Variants in H2AC8 observed in about 807,000 individuals in gnomAD.
The protein encoded by H2AC8 is H2A clustered histone 8.
H2AC8 carries 9 observed loss-of-function variants against 6.3 expected under a neutral mutation model. The observed-to-expected ratio is 1.43, with a 90% CI of 0.86 to 2.49. The LOEUF (loss-of-function observed/expected upper bound fraction) is 2.49. H2AC8 is among the 30% of genes most tolerant of loss of function. The probability of loss-of-function intolerance (pLI) is 0.00; values close to 1 mark genes in which losing one functional copy is unlikely to be tolerated. For synonymous variants in H2AC8, 176 were observed against 79.6 expected (o/e 2.21, Z -6.45); for missense variants, 141 against 177.5 (o/e 0.79, Z 1.17).
exon 1 of H2AC8, chr6:26,217,137 G>A: frequency 6.2e-7 from 1 of 1,614,174 alleles, no homozygotes; most frequent in Non-Finnish European, 8.5e-7. Context: ...CCTGGCAGCG[G>A]TGCTGGAATA....
exon 1 of H2AC8, chr6:26,217,196 TAAG>T (rs780617468): frequency 1.9e-6 from 3 of 1,613,770 alleles, no homozygotes; most frequent in Non-Finnish European, 2.5e-6. Context: ...CTCGCGACAA[TAAG>T]AAGACCCGCA....
At position 26,217,331 on chromosome 6, in the gene H2AC8, G is replaced by A. The variant is rs1375538785; in HGVS notation, c.357G>A (p.Lys119=). The A allele has an allele frequency of 3.1e-6, 5 of 1,614,188 alleles. No homozygotes were observed. The South Asian group carries it at 3.3e-5, about 11-fold the overall frequency. The change falls in exon 1 of 1, where the codon AAG becomes AAA. Residue 119 remains lysine (K), a synonymous_variant. Coordinates refer to ENST00000303910, the Ensembl canonical transcript of H2AC8. ...ACATCCAGGCCGTATTGCTGCCTAAGAAGACGGAGAGCCACCATAAGGCCA... is the reference window on the plus strand; with the variant it reads ...ACATCCAGGCCGTATTGCTGCCTAAAAAGACGGAGAGCCACCATAAGGCCA...
At chr6:26,217,235 C>T (rs767705388) in exon 1 of H2AC8, 7 of 1,614,084 alleles carry the variant, frequency 4.3e-6, no homozygotes, top group South Asian at 3.3e-5. Flanking sequence ...TGCAGCTAGC[C>T]ATCCGCAACG....
exon 1 of H2AC8, chr6:26,217,026 C>T: frequency 6.2e-7 from 1 of 1,614,202 alleles, no homozygotes; most frequent in Non-Finnish European, 8.5e-7. Flanking sequence ...AGCTAAAACG[C>T]GTTCTTCCAG....
At chr6:26,217,232 A>G (rs1462202522) in exon 1 of H2AC8, 2 of 1,614,222 alleles carry the variant, frequency 1.2e-6, no homozygotes, top group Non-Finnish European at 1.7e-6. Flanking sequence ...ACCTGCAGCT[A>G]GCCATCCGCA....
exon 1 of H2AC8, chr6:26,217,369 A>G (rs1194305907): frequency 8.1e-6 from 13 of 1,611,424 alleles, no homozygotes; most frequent in East Asian, 4.5e-5. Flanking sequence ...GGCAAGTGAA[A>G]TGATTACTAG....
chr6:26,216,998 C>A (rs763745951), exon 1 of H2AC8: 2 of 1,614,160 alleles, frequency 1.2e-6, no homozygotes, highest in Non-Finnish European at 1.7e-6. Context: ...GAAAGCAAGG[C>A]GGCAAAGCTC....
At chr6:26,217,356 A>C in exon 1 of H2AC8, 1 of 1,613,398 alleles carries the variant, frequency 6.2e-7, no homozygotes, top group Non-Finnish European at 8.5e-7. Flanking sequence ...CCATAAGGCC[A>C]AGGGCAAGTG....
upstream of H2AC8, chr6:26,216,942 G>A (rs377218795): frequency 1.9e-6 from 3 of 1,611,616 alleles, no homozygotes; most frequent in East Asian, 2.2e-5. Flanking sequence ...TTATTCAGTG[G>A]ATTGTTAGTT....
At chr6:26,217,259 T>C (rs1217704548) in exon 1 of H2AC8, 12 of 1,614,184 alleles carry the variant, frequency 7.4e-6, no homozygotes, top group Middle Eastern at 1.7e-4. Context: ...AGGAGCTAAA[T>C]AAGCTTCTAG....
At chr6:26,217,387 C>G (rs776623972) in exon 1 of H2AC8, 2 of 1,600,634 alleles carry the variant, frequency 1.2e-6, no homozygotes, top group Non-Finnish European at 1.7e-6. Flanking sequence ...TAGTCAAATC[C>G]GTCAGTGATC....
chr6:26,217,119 C>T (rs747836244), exon 1 of H2AC8: 5 of 1,614,090 alleles, frequency 3.1e-6, no homozygotes, highest in South Asian at 2.2e-5. Flanking sequence ...GGCCGGCGCT[C>T]CAGTGTACCT....
exon 1 of H2AC8, chr6:26,217,345 A>G: frequency 6.2e-7 from 1 of 1,614,046 alleles, no homozygotes; most frequent in African/African-American, 1.3e-5. Flanking sequence ...ACGGAGAGCC[A>G]CCATAAGGCC....
chr6:26,217,274 C>G (rs1259779455), exon 1 of H2AC8: 4 of 1,614,104 alleles, frequency 2.5e-6, no homozygotes, highest in Non-Finnish European at 3.4e-6. Context: ...TTCTAGGTCG[C>G]GTGACCATCG....
exon 1 of H2AC8, chr6:26,217,371 G>C: frequency 1.9e-6 from 3 of 1,610,900 alleles, no homozygotes; most frequent in Non-Finnish European, 2.5e-6. Flanking sequence ...CAAGTGAAAT[G>C]ATTACTAGTC....
exon 1 of H2AC8, chr6:26,217,049 G>A (rs777291733): frequency 2.5e-6 from 4 of 1,614,204 alleles, no homozygotes; most frequent in Non-Finnish European, 3.4e-6. Flanking sequence ...CCGGTCTTCA[G>A]TTTCCAGTTG....
chr6:26,217,244 C>T (rs140177357), exon 1 of H2AC8: 91 of 1,614,104 alleles, frequency 5.6e-5, no homozygotes, highest in Non-Finnish European at 7.6e-5. Context: ...CCATCCGCAA[C>T]GACGAGGAGC....
Position 26,217,319 on chromosome 6 carries a change from AT to A in H2AC8, c.347del (p.Leu116CysfsTer25), listed in dbSNP as rs1402089451. ...GTGTCCTGCCCAACATCCAGGCCGT[AT>A]TGCTGCCTAAGAAGACGGAGAGCCA... On this transcript the variant is annotated frameshift_variant, in exon 1 of 1. Transcript: ENST00000303910. LOFTEE classifies it high-confidence loss of function. 1 of 1,614,156 alleles carries A rather than the reference AT, an allele frequency of 6.2e-7. No individual in the cohort carries two copies. Among genetic ancestry groups the A allele is most frequent in the Non-Finnish European group, 8.5e-7 (1 of 1,180,022 alleles).
chr6:26,217,387 C>A, exon 1 of H2AC8: 1 of 1,600,752 alleles, frequency 6.2e-7, no homozygotes. Context: ...TAGTCAAATC[C>A]GTCAGTGATC....
Sources: allele counts gnomAD v4.1 joint callset, GRCh38; gene constraint gnomAD v4.1.1; transcripts MANE v1.5; gene names NCBI Gene and HGNC (gene_info 2026-07-23, HGNC 2026-07-21).